Variants in EXOC6B observed in about 807,000 individuals in gnomAD.
EXOC6B encodes the protein exocyst complex component 6B.
EXOC6B carries 54 observed loss-of-function variants against 113.5 expected under a neutral mutation model. The ratio of observed to expected loss-of-function variants is 0.48; its 90% CI spans 0.38 to 0.60. The LOEUF (loss-of-function observed/expected upper bound fraction) is 0.60. Ranked by LOEUF, EXOC6B falls within the 20% of genes least tolerant of loss-of-function variation. EXOC6B has a pLI of 0.00. For missense variants in EXOC6B, 797 were observed against 977.5 expected (o/e 0.82, Z 2.46); for synonymous variants, 357 against 339.0 (o/e 1.05, Z -0.58).
intron 1 of EXOC6B, among the ~76,000 whole-genome samples, chr2:72,780,829 G>GT (rs752724239): frequency 6.6e-5 from 10 of 152,046 alleles, no homozygotes; most frequent in Non-Finnish European, 1.5e-4. Context: ...TCCTCCCCGT[G>GT]TAATGGCTCA....
intron 1 of EXOC6B, among the ~76,000 whole-genome samples, chr2:72,755,094 G>A (rs1682326736): frequency 6.6e-6 from 1 of 152,118 alleles, no homozygotes; most frequent in Non-Finnish European, 1.5e-5. Context: ...CTTTGACACT[G>A]TATAAATTTG....
At chr2:72,697,659 G>C (rs1677991100) in intron 6 of EXOC6B, among the ~76,000 whole-genome samples, 1 of 152,114 alleles carries the variant, frequency 6.6e-6, no homozygotes, top group South Asian at 2.1e-4. Flanking sequence ...ACTCTAGCCT[G>C]GGCAACAGAG....
intron 1 of EXOC6B, among the ~76,000 whole-genome samples, chr2:72,750,549 C>T (rs1051520153): frequency 6.6e-6 from 1 of 152,098 alleles, no homozygotes; most frequent in African/African-American, 2.4e-5. Context: ...CAGAATACAT[C>T]ATTAGTAAAA....
chr2:72,431,829 GATGACCCCCT>G (rs1028556203), intron 18 of EXOC6B, among the ~76,000 whole-genome samples: 7 of 152,046 alleles, frequency 4.6e-5, no homozygotes, highest in African/African-American at 1.7e-4. Flanking sequence ...CCTGGTGTGT[GATGACCCCCT>G]ACCTGTGTCT....
chr2:72,241,101 T>A (rs1414061801), intron 20 of EXOC6B, among the ~76,000 whole-genome samples: 1 of 152,178 alleles, frequency 6.6e-6, no homozygotes, highest in Non-Finnish European at 1.5e-5. Context: ...CTGTGATTAA[T>A]ATGCTAAGGG....
At chr2:72,730,464 G>A (rs1188103440) in intron 5 of EXOC6B, among the ~76,000 whole-genome samples, 10 of 151,958 alleles carry the variant, frequency 6.6e-5, no homozygotes, top group Non-Finnish European at 1.5e-4. Flanking sequence ...ACTCTTCACT[G>A]GACTCTAGCT....
At chr2:72,585,096 G>A (rs1257171872) in intron 6 of EXOC6B, among the ~76,000 whole-genome samples, 3 of 151,886 alleles carry the variant, frequency 2.0e-5, no homozygotes, top group African/African-American at 7.3e-5. Flanking sequence ...CATACCTAGA[G>A]AAATGAGAAA....
At chr2:72,767,357 G>A (rs2104928278) in intron 1 of EXOC6B, among the ~76,000 whole-genome samples, 1 of 152,148 alleles carries the variant, frequency 6.6e-6, no homozygotes, top group Non-Finnish European at 1.5e-5. Flanking sequence ...CTTGAAACCG[G>A]GAGGCGGAGG....
intron 18 of EXOC6B, among the ~76,000 whole-genome samples, chr2:72,427,740 G>A (rs1044756759): frequency 3.9e-5 from 6 of 152,172 alleles, no homozygotes; most frequent in African/African-American, 1.4e-4. Context: ...GCGGGACCCT[G>A]GTGAGGCTGT....
chr2:72,759,601 T>C (rs1237610603), intron 1 of EXOC6B, among the ~76,000 whole-genome samples: 1 of 151,828 alleles, frequency 6.6e-6, no homozygotes, highest in Non-Finnish European at 1.5e-5. Flanking sequence ...ACAGAAAGAT[T>C]TTCACAAAAG....
At chr2:72,638,860 G>T (rs1673030701) in intron 6 of EXOC6B, among the ~76,000 whole-genome samples, 1 of 152,132 alleles carries the variant, frequency 6.6e-6, no homozygotes, top group Admixed American at 6.5e-5. Flanking sequence ...CCTGAACTCT[G>T]CAGGGTTGTC....
intron 20 of EXOC6B, among the ~76,000 whole-genome samples, chr2:72,209,458 G>A (rs146294893): frequency 2.7e-3 from 409 of 152,080 alleles, no homozygotes; most frequent in African/African-American, 9.5e-3. Context: ...AGATTGCAGT[G>A]AGCCAAGATT....
At chr2:72,324,412 G>A (rs1688011922) in intron 20 of EXOC6B, among the ~76,000 whole-genome samples, 1 of 152,130 alleles carries the variant, frequency 6.6e-6, no homozygotes, top group South Asian at 2.1e-4. Flanking sequence ...ATCAGCAAGA[G>A]TTAAGTGATC....
rs115247450 is a variant in EXOC6B at position 72,767,976 on chromosome 2, G to A, written c.114-26507C>T. Among the ~76,000 whole-genome samples, 1,213 of 150,964 alleles carry A rather than the reference G, an allele frequency of 8.0e-3. 25 individuals carry two copies. Among genetic ancestry groups the A allele is most frequent in the African/African-American group, 0.029 (1,176 of 41,222 alleles). On this transcript the variant is annotated intron_variant, in intron 1 of 21. Transcript: ENST00000272427. ...CACTAAAAATATAAAAATTAGAGGA[G>A]AGTAATGTCATGGGCCTGTAATCCC... is the stretch of plus-strand genomic sequence containing the variant.
intron 6 of EXOC6B, among the ~76,000 whole-genome samples, chr2:72,664,559 CA>C (rs1675255787): frequency 6.6e-6 from 1 of 152,172 alleles, no homozygotes; most frequent in Non-Finnish European, 1.5e-5. Context: ...GAGCAGAGCC[CA>C]GGGAGTTTTG....
chr2:72,824,260 A>G (rs1686768132), intron 1 of EXOC6B, among the ~76,000 whole-genome samples: 1 of 152,016 alleles, frequency 6.6e-6, no homozygotes, highest in Non-Finnish European at 1.5e-5. Context: ...GTGGTGGTGC[A>G]CAGCTGTAGT....
chr2:72,188,534 G>T (rs1678598002), intron 20 of EXOC6B, among the ~76,000 whole-genome samples: 1 of 152,128 alleles, frequency 6.6e-6, no homozygotes, highest in Non-Finnish European at 1.5e-5. Context: ...TAAGTTAGCT[G>T]CTTGGAGGCA....
intron 15 of EXOC6B, among the ~76,000 whole-genome samples, chr2:72,493,324 C>A (rs1230753091): frequency 7.9e-5 from 11 of 138,410 alleles, no homozygotes; most frequent in African/African-American, 1.9e-4. Context: ...TTTTCTCCCC[C>A]CCCCCCCCCC....
chr2:72,645,466 C>T lies in EXOC6B; in HGVS notation c.670-69798G>A, dbSNP rs183118902. Among the ~76,000 whole-genome samples, 216 of 152,308 alleles carry T rather than the reference C, an allele frequency of 1.4e-3. 1 individual carries two copies. Among genetic ancestry groups the T allele is most frequent in the African/African-American group, 4.7e-3 (197 of 41,574 alleles). On this transcript the variant is annotated intron_variant, in intron 6 of 21. Coordinates refer to ENST00000272427, the MANE Select transcript of EXOC6B (RefSeq NM_015189.3). ...TAATAGACACCTACAGAACTCTCCA[C>T]CCCAAATGAGCAGAATATACATTCA...
Sources: allele counts gnomAD v4.1 joint callset (sites outside exome capture counted in the v4.1 genomes callset), GRCh38; gene constraint gnomAD v4.1.1; transcripts MANE v1.5; gene names NCBI Gene and HGNC (gene_info 2026-07-23, HGNC 2026-07-21).